SLCO5A1: variants seen among roughly 807,000 people sequenced by gnomAD.
SLCO5A1 encodes organic anion transporter polypeptide-related protein 4.
SLCO5A1 carries 39 observed loss-of-function variants against 65.1 expected under a neutral mutation model. That is an observed-to-expected ratio of 0.60 (90% CI 0.46 to 0.78). The LOEUF (loss-of-function observed/expected upper bound fraction) is 0.78. Ranked by LOEUF, SLCO5A1 falls within the 30% of genes least tolerant of loss-of-function variation. SLCO5A1 has a pLI of 0.00. For synonymous variants in SLCO5A1, 438 were observed against 415.7 expected (o/e 1.05, Z -0.65); for missense variants, 1,029 against 1,069.4 (o/e 0.96, Z 0.53).
chr8:69,772,487 G>T (rs1254448656), intron 2 of SLCO5A1, among the ~76,000 whole-genome samples: 1 of 150,570 alleles, frequency 6.6e-6, no homozygotes, highest in African/African-American at 2.5e-5. Context: ...AGCTATAATT[G>T]CACCACTGTT....
intron 2 of SLCO5A1, chr8:69,773,055 T>G: frequency 1.3e-6 from 1 of 746,612 alleles, no homozygotes; most frequent in Non-Finnish European, 1.6e-6. Flanking sequence ...CACTAAAGGC[T>G]GAGCAGCACA....
At chr8:69,734,402 T>C (rs1021424149) in intron 5 of SLCO5A1, among the ~76,000 whole-genome samples, 5 of 152,212 alleles carry the variant, frequency 3.3e-5, no homozygotes, top group African/African-American at 1.2e-4. Flanking sequence ...AAAGCCATTG[T>C]CCATGAAATG....
chr8:69,738,298 C>T lies in SLCO5A1; in HGVS notation c.1259-94G>A, dbSNP rs1816650465. 7.0e-6 allele frequency: 8 copies of T among 1,138,658 alleles called. No individual in the cohort carries two copies. The Admixed American group carries it at 2.4e-4, about 34-fold the overall frequency. The allele number at this position is 1,138,658 out of a possible 1,614,324, so 70.5% of individuals were successfully genotyped here. On this transcript the variant is annotated intron_variant, in intron 4 of 9. Transcript: ENST00000260126. ...GTTTTTGAAATGAACTGGAAATAGC[C>T]ATTCAGCAACATTTGCCACCAAGGA...
At chr8:69,791,542 GA>G (rs1819268764) in intron 2 of SLCO5A1, among the ~76,000 whole-genome samples, 1 of 152,186 alleles carries the variant, frequency 6.6e-6, no homozygotes, top group African/African-American at 2.4e-5. Context: ...AAATATCTGA[GA>G]TGTAATGTTT....
chr8:69,759,524 T>C (rs1817670366), intron 3 of SLCO5A1, among the ~76,000 whole-genome samples: 1 of 152,196 alleles, frequency 6.6e-6, no homozygotes, highest in Non-Finnish European at 1.5e-5. Flanking sequence ...CTTTTATGGA[T>C]TATAAAAACT....
chr8:69,796,306 G>T (rs1819499369), intron 2 of SLCO5A1, among the ~76,000 whole-genome samples: 1 of 150,028 alleles, frequency 6.7e-6, no homozygotes. Flanking sequence ...TTTGTGTTCT[G>T]CTTCCTTTTT....
chr8:69,676,733 C>T, intron 8 of SLCO5A1, 60 bp from the exon 9 acceptor site: 1 of 1,482,840 alleles, frequency 6.7e-7, no homozygotes, highest in Non-Finnish European at 9.4e-7. Flanking sequence ...AAATGAATGT[C>T]AAATCAAGTC....
intron 2 of SLCO5A1, among the ~76,000 whole-genome samples, chr8:69,777,852 G>A (rs890612576): frequency 4.6e-5 from 7 of 152,248 alleles, no homozygotes; most frequent in East Asian, 1.9e-4. Flanking sequence ...TCTGAGTGTC[G>A]TTAGAAGGTC....
Position 69,682,236 on chromosome 8 carries a change from T to C in SLCO5A1, c.1730A>G (p.Tyr577Cys). Residue 577 changes from tyrosine to cysteine, a missense_variant, in exon 7 of 10, where the codon TAC (tyrosine) becomes TGC (cysteine). Transcript: ENST00000260126. Reference protein sequence around the residue: ...EPVCGSDGITYFNPCLAGCVN... With the variant: ...EPVCGSDGITCFNPCLAGCVN... ...ACAGCCAGCCAGACAAGGGTTAAAGTATGTAATTCCATCTGATCCACAGAC... is the reference window on the plus strand; with the variant it reads ...ACAGCCAGCCAGACAAGGGTTAAAGCATGTAATTCCATCTGATCCACAGAC... The C allele has an allele frequency of 6.2e-7, 1 of 1,613,192 alleles. No homozygotes were observed. The highest frequency in any genetic ancestry group is 8.5e-7 in the Non-Finnish European group (1 of 1,179,670).
Position 69,694,165 on chromosome 8 carries a change from A to G in SLCO5A1, c.1622+10866T>C, listed in dbSNP as rs555178588. On this transcript the variant is annotated intron_variant, in intron 6 of 9. Coordinates refer to ENST00000260126, the MANE Select transcript of SLCO5A1 (RefSeq NM_030958.3). The stretch of plus-strand genomic sequence containing the variant: ...GCAGGTGCGTACGTGCATGAAATAC[A>G]CAATTTAAAACAGCACCTCAGTGAG... 3.3e-5 allele frequency among the ~76,000 whole-genome samples: 5 copies of G among 152,348 alleles called. No individual in the cohort carries two copies. The South Asian group carries it at 1.0e-3, about 32-fold the overall frequency.
At chr8:69,830,447 C>A (rs745423345) in intron 2 of SLCO5A1, among the ~76,000 whole-genome samples, 1 of 152,138 alleles carries the variant, frequency 6.6e-6, no homozygotes, top group Non-Finnish European at 1.5e-5. Context: ...CCTGCCTCAG[C>A]CTCCCGAGTA....
At chr8:69,820,307 C>A (rs1480298504) in intron 2 of SLCO5A1, among the ~76,000 whole-genome samples, 11 of 152,188 alleles carry the variant, frequency 7.2e-5, no homozygotes. Context: ...AGGGACCTGG[C>A]AGCACTCAAG....
chr8:69,683,432 A>C (rs905325306), intron 6 of SLCO5A1, among the ~76,000 whole-genome samples: 1 of 152,142 alleles, frequency 6.6e-6, no homozygotes, highest in South Asian at 2.1e-4. Flanking sequence ...GGGTGAAAGA[A>C]CAGTTTTGTC....
chr8:69,755,952 T>C (rs1372785926), intron 3 of SLCO5A1, among the ~76,000 whole-genome samples: 1 of 152,246 alleles, frequency 6.6e-6, no homozygotes, highest in African/African-American at 2.4e-5. Context: ...CCTTCTACAA[T>C]GTGTATTTTA....
At position 69,691,777 on chromosome 8, in the gene SLCO5A1, A is replaced by T. The variant is rs148178653; in HGVS notation, c.1623-9434T>A. 2.2e-3 allele frequency among the ~76,000 whole-genome samples: 342 copies of T among 152,322 alleles called. 2 individuals carry two copies. Among genetic ancestry groups the T allele is most frequent in the African/African-American group, 7.6e-3 (316 of 41,574 alleles). The stretch of plus-strand genomic sequence containing the variant: ...GTGGTTTCATCACTGTACAAATGTC[A>T]TAGAATGCACTTACACAAACCTAAG... On this transcript the variant is annotated intron_variant, in intron 6 of 9. Coordinates refer to ENST00000260126, the MANE Select transcript of SLCO5A1 (RefSeq NM_030958.3).
At position 69,801,555 on chromosome 8, in the gene SLCO5A1, C is replaced by T. The variant is rs117647393; in HGVS notation, c.907+30212G>A. 2.7e-3 allele frequency among the ~76,000 whole-genome samples: 404 copies of T among 152,196 alleles called. 2 individuals carry two copies. The highest frequency in any genetic ancestry group is 3.2e-3 in the Non-Finnish European group (215 of 67,998). On this transcript the variant is annotated intron_variant, in intron 2 of 9. Transcript: ENST00000260126. ...TATAGATCTTAGTCTTTCTCCATTG[C>T]TTCTTTTTTTTTAACGAACATTTTA...
At chr8:69,783,110 A>G (rs1402434340) in intron 2 of SLCO5A1, among the ~76,000 whole-genome samples, 2 of 152,184 alleles carry the variant, frequency 1.3e-5, no homozygotes, top group Non-Finnish European at 2.9e-5. Flanking sequence ...GTCAGCTATA[A>G]CAATGATCAT....
chr8:69,671,889 A>C lies in SLCO5A1; in HGVS notation c.*980T>G, dbSNP rs976625297. The C allele has an allele frequency of 6.6e-6, 1 of 152,222 alleles. No individual in the cohort carries two copies. The highest frequency in any genetic ancestry group is 1.5e-5 in the Non-Finnish European group (1 of 68,038). The allele number at this position is 152,222 out of a possible 1,614,324, so 9.4% of individuals were successfully genotyped here. Reference sequence around the variant, plus strand: ...AACCACAGCAATTTTCTGTCCAGAAAAAAAGAAAACCACACAGATTTGCCA... The same window carrying C: ...AACCACAGCAATTTTCTGTCCAGAACAAAAGAAAACCACACAGATTTGCCA... On this transcript the variant is annotated 3_prime_UTR_variant, in exon 10 of 10. Transcript: ENST00000260126.
rs531766587 is a variant in SLCO5A1, at chr8:69,770,612, A to C, written c.908-8737T>G. On this transcript the variant is annotated intron_variant, in intron 2 of 9. Coordinates refer to ENST00000260126, the MANE Select transcript of SLCO5A1 (RefSeq NM_030958.3). The stretch of plus-strand genomic sequence containing the variant: ...GATGGGAAGGGTTTCTGATCTTTTC[A>C]GACCCTTCCAAAAAGGCCACCTTCA... Among the ~76,000 whole-genome samples, 3 of 152,190 alleles carry C rather than the reference A, an allele frequency of 2.0e-5. No homozygotes were observed. The East Asian group carries it at 5.8e-4, about 29-fold the overall frequency.
Sources: allele counts gnomAD v4.1 joint callset (sites outside exome capture counted in the v4.1 genomes callset), GRCh38; gene constraint gnomAD v4.1.1; transcripts MANE v1.5; gene names NCBI Gene and HGNC (gene_info 2026-07-23, HGNC 2026-07-21).